Variants in SPACA7 observed in about 807,000 individuals in gnomAD.
SPACA7 encodes sperm acrosome-associated protein 7.
A neutral mutation model predicts 26.3 loss-of-function variants in SPACA7; 19 were observed. That is an observed-to-expected ratio of 0.72 (90% CI 0.50 to 1.06). The LOEUF is 1.06. Among genes scored for constraint, SPACA7 ranks in the 50% least tolerant of loss-of-function variants. The pLI is 0.00. For missense variants in SPACA7, 211 were observed against 229.9 expected (o/e 0.92, Z 0.53); for synonymous variants, 84 against 84.5 (o/e 0.99, Z 0.04).
chr13:112,398,475 C>A (rs1885428010), intron 3 of SPACA7, among the ~76,000 whole-genome samples: 1 of 152,096 alleles, frequency 6.6e-6, no homozygotes, highest in South Asian at 2.1e-4. Flanking sequence ...ACAGTTCCTC[C>A]CACACACGCC....
intron 1 of SPACA7, chr13:112,378,809 T>G (rs932297575): frequency 2.1e-6 from 1 of 467,978 alleles, no homozygotes; most frequent in Non-Finnish European, 4.4e-6. Context: ...TGTATCAATC[T>G]CAAATATGAC....
chr13:112,401,208 G>A lies in SPACA7; in HGVS notation c.445+44G>A, dbSNP rs765653516. The A allele has an allele frequency of 3.4e-6, 5 of 1,492,008 alleles. No homozygotes were observed. The South Asian group carries it at 5.7e-5, about 17-fold the overall frequency. The allele number at this position is 1,492,008 out of a possible 1,614,324, so 92.4% of individuals were successfully genotyped here. On this transcript the variant is annotated intron_variant, in intron 5 of 6. Coordinates refer to ENST00000283550, the MANE Select transcript of SPACA7 (RefSeq NM_145248.5). Reference sequence around the variant, plus strand: ...CACTGAGAGCTCTGTGGGAGAGACGGAGGCATGAGTGTGTGAGGTGACTGT... The same window carrying A: ...CACTGAGAGCTCTGTGGGAGAGACGAAGGCATGAGTGTGTGAGGTGACTGT...
intron 3 of SPACA7, 129 bp from the exon 4 acceptor site, chr13:112,398,937 C>T (rs1236481339): frequency 1.5e-6 from 1 of 657,206 alleles, no homozygotes; most frequent in Non-Finnish European, 2.7e-6. Context: ...ACGCACATTT[C>T]CACATAGAGC....
intron 5 of SPACA7, among the ~76,000 whole-genome samples, chr13:112,425,648 G>C (rs1876471633): frequency 6.6e-6 from 1 of 152,092 alleles, no homozygotes; most frequent in Non-Finnish European, 1.5e-5. Flanking sequence ...GAGACAGAGA[G>C]AGAGAGACAG....
rs780732422 is a variant in SPACA7, at chr13:112,401,125, C to A, written c.406C>A (p.Gln136Lys). The change falls in exon 5 of 7, where the codon CAG (glutamine) becomes AAG (lysine). Residue 136 changes from glutamine (Q) to lysine (K), a missense_variant. Coordinates refer to ENST00000283550, the MANE Select transcript of SPACA7 (RefSeq NM_145248.5). ...GDPSENYRGPQVSPGSEKSVS... is the reference protein window; with the variant it reads ...GDPSENYRGPKVSPGSEKSVS... ...TCCTTCTGAGAATTATCGTGGGCCACAGGTGTCTCCTGGCAGTGAGAAGAG... is the reference window on the plus strand; with the variant it reads ...TCCTTCTGAGAATTATCGTGGGCCAAAGGTGTCTCCTGGCAGTGAGAAGAG... 1.2e-6 allele frequency: 2 copies of A among 1,614,126 alleles called. No individual in the cohort carries two copies. Among genetic ancestry groups the A allele is most frequent in the South Asian group, 2.2e-5 (2 of 91,078 alleles).
At chr13:112,378,306 A>C (rs1264174071) in intron 1 of SPACA7, among the ~76,000 whole-genome samples, 2 of 152,244 alleles carry the variant, frequency 1.3e-5, no homozygotes, top group African/African-American at 4.8e-5. Flanking sequence ...TAGAATACAC[A>C]GGGTTATAAC....
At chr13:112,402,627 A>G (rs976128508) in intron 5 of SPACA7, among the ~76,000 whole-genome samples, 1 of 151,846 alleles carries the variant, frequency 6.6e-6, no homozygotes, top group African/African-American at 2.4e-5. Context: ...AGAAATGCCT[A>G]TAATGTTTAT....
At chr13:112,393,558 C>T (rs1161227684) in intron 2 of SPACA7, among the ~76,000 whole-genome samples, 1 of 152,080 alleles carries the variant, frequency 6.6e-6, no homozygotes, top group Non-Finnish European at 1.5e-5. Context: ...CCTGGCCTCA[C>T]CCCGGGGATG....
intron 5 of SPACA7, among the ~76,000 whole-genome samples, chr13:112,420,704 C>T (rs1044290716): frequency 2.0e-5 from 3 of 151,816 alleles, no homozygotes; most frequent in Admixed American, 1.3e-4. Flanking sequence ...ATCAAACTAC[C>T]GATCCAAGTA....
chr13:112,414,967 T>A (rs1229062324), intron 5 of SPACA7, among the ~76,000 whole-genome samples: 1 of 152,204 alleles, frequency 6.6e-6, no homozygotes, highest in African/African-American at 2.4e-5. Flanking sequence ...CTTTCATTGA[T>A]TCAAAGGAGA....
In SPACA7 at chr13:112,399,099, GT is replaced by G; in HGVS notation, c.277del (p.Ser93LeufsTer8). On this transcript the variant is annotated frameshift_variant, in exon 4 of 7. Coordinates refer to ENST00000283550, the MANE Select transcript of SPACA7 (RefSeq NM_145248.5). LOFTEE classifies it high-confidence loss of function. ...AGIDENYQAG[G>X]SENYHELLEN... ...ATTGATGAGAATTATCAAGCTGGTG[GT>G]TCTGAGAATTACCATGAATTATTAG... 1.9e-6 allele frequency: 3 copies of G among 1,610,492 alleles called. No individual in the cohort carries two copies. Among genetic ancestry groups the G allele is most frequent in the Middle Eastern group, 1.7e-4 (1 of 6,050 alleles).
intron 5 of SPACA7, among the ~76,000 whole-genome samples, chr13:112,429,006 C>T (rs1281840857): frequency 6.6e-6 from 1 of 152,158 alleles, no homozygotes; most frequent in Non-Finnish European, 1.5e-5. Context: ...AGCAGTGTTT[C>T]CTTCATGTAC....
chr13:112,432,555 T>C, intron 6 of SPACA7, 34 bp downstream of exon 6: 2 of 1,488,422 alleles, frequency 1.3e-6, no homozygotes. Flanking sequence ...TGTCTTCTCA[T>C]TTGGGGATTC....
chr13:112,376,406 C>T lies in SPACA7; in HGVS notation c.21C>T (p.Asp7=), dbSNP rs146245335. 1.6e-3 allele frequency: 2,532 copies of T among 1,613,652 alleles called. 31 individuals are homozygous for T. The African/African-American group carries it at 0.028, about 18-fold the overall frequency. The change falls in exon 1 of 7, where the codon GAC becomes GAT. Residue 7 remains aspartate, a synonymous_variant. Transcript: ENST00000283550. ...GGAGCATGGCAGTGAGCCAAGGAGA[C>T]GGGACCCTCTGCTTTGTCCTCCTGC... The part of the protein sequence containing the change: MAVSQG[D]GTLCFVLLLC...
At chr13:112,400,573 G>A (rs527532066) in intron 4 of SPACA7, among the ~76,000 whole-genome samples, 3 of 152,306 alleles carry the variant, frequency 2.0e-5, no homozygotes, top group South Asian at 2.1e-4. Flanking sequence ...CTGGATGCTT[G>A]CTAAGTTCAA....
At chr13:112,380,590 CTT>C (rs142563641) in intron 1 of SPACA7, among the ~76,000 whole-genome samples, 1 of 152,012 alleles carries the variant, frequency 6.6e-6, no homozygotes, top group African/African-American at 2.4e-5. Context: ...TTTTCTCTCT[CTT>C]TTTTTCTCAG....
chr13:112,393,140 G>A, intron 2 of SPACA7, 63 bp downstream of exon 2: 1 of 1,407,432 alleles, frequency 7.1e-7, no homozygotes, highest in East Asian at 2.3e-5. Context: ...GGTTGTCTGT[G>A]GCTGTTTCCC....
intron 5 of SPACA7, among the ~76,000 whole-genome samples, chr13:112,413,420 C>T (rs957533960): frequency 2.0e-5 from 3 of 150,420 alleles, no homozygotes; most frequent in Admixed American, 2.0e-4. Context: ...CCCTCCTGGC[C>T]TATAAAGTTT....
At chr13:112,383,116 AAAAGAAAAGAAAGAAAGAAAG>A (rs201741022) in intron 1 of SPACA7, among the ~76,000 whole-genome samples, 3,813 of 33,638 alleles carry the variant, frequency 0.11, 272 homozygotes, top group East Asian at 0.18. Flanking sequence ...AAAAGAAAAG[AAAAGAAAAGAAAGAAAGAAAG>A]AAAGAAAGAA....
Sources: allele counts gnomAD v4.1 joint callset (sites outside exome capture counted in the v4.1 genomes callset), GRCh38; gene constraint gnomAD v4.1.1; transcripts MANE v1.5; gene names NCBI Gene and HGNC (gene_info 2026-07-23, HGNC 2026-07-21).